EEF2: variants seen among roughly 807,000 people sequenced by gnomAD.
The protein encoded by EEF2 is elongation factor 2.
A neutral mutation model predicts 85.3 loss-of-function variants in EEF2; 21 were observed. The observed-to-expected ratio is 0.25, with a 90% CI of 0.17 to 0.35. The LOEUF is 0.35. Among genes scored for constraint, EEF2 ranks in the 10% least tolerant of loss-of-function variants. The pLI is 1.00. For missense variants in EEF2, 825 were observed against 1,225.3 expected (o/e 0.67, Z 4.88); for synonymous variants, 723 against 508.8 (o/e 1.42, Z -5.67).
intron 11 of EEF2, 149 bp from the exon 12 acceptor site, chr19:3,978,321 G>A (rs2039701982): frequency 4.6e-6 from 3 of 650,520 alleles, no homozygotes; most frequent in East Asian, 6.1e-5. Context: ...CAGTGTTGCA[G>A]TGCCAAGCGC....
At position 3,981,218 on chromosome 19, in the gene EEF2, G is replaced by GA. The variant is rs1376746079; in HGVS notation, c.1011+120dup. On this transcript the variant is annotated intron_variant, in intron 7 of 14. Coordinates refer to ENST00000309311, the MANE Select transcript of EEF2 (RefSeq NM_001961.4). ...TCCAGCAGCACCCAGAGTCTAAAGC[G>GA]AAAGGGGCAGCAGCTGTCCCTGCCC... The GA allele has an allele frequency of 4.4e-6, 5 of 1,129,064 alleles. No homozygotes were observed. In the African/African-American group the frequency reaches 7.7e-5, roughly 17 times the overall value. The allele number at this position is 1,129,064 out of a possible 1,614,324, so 69.9% of individuals were successfully genotyped here.
At chr19:3,981,041 C>T in intron 7 of EEF2, 62 bp from the exon 8 acceptor site, 1 of 1,521,692 alleles carries the variant, frequency 6.6e-7, no homozygotes, top group Non-Finnish European at 8.8e-7. Flanking sequence ...CCACCCCGTA[C>T]ACGCTTCCTC....
intron 1 of EEF2, 168 bp downstream of exon 1, chr19:3,985,210 C>G (rs971647224): frequency 2.9e-6 from 2 of 686,888 alleles, no homozygotes; most frequent in Non-Finnish European, 4.3e-6. Context: ...GTGAACAGCG[C>G]GGCGCACAGA....
Position 3,982,237 on chromosome 19 carries a change from G to T in EEF2, c.791+9C>A. On this transcript the variant is annotated intron_variant, in intron 5 of 14. Transcript: ENST00000309311. Reference sequence around the variant, plus strand: ...TCAGGAATCCCCCACCATATCCCGCGGGGCTCACCTGTCACCCCACAGCTT... The same window carrying T: ...TCAGGAATCCCCCACCATATCCCGCTGGGCTCACCTGTCACCCCACAGCTT... 6.2e-7 allele frequency: 1 copy of T among 1,613,618 alleles called. No homozygotes were observed. Among genetic ancestry groups the T allele is most frequent in the Non-Finnish European group, 8.5e-7 (1 of 1,179,670 alleles).
At chr19:3,982,547 T>C (rs1233938198) in intron 4 of EEF2, 123 bp from the exon 5 acceptor site, 4 of 1,319,054 alleles carry the variant, frequency 3.0e-6, no homozygotes, top group South Asian at 2.4e-5. Context: ...CTGGTCAAAG[T>C]GAAGAAATGA....
intron 14 of EEF2, 78 bp from the exon 15 acceptor site, chr19:3,976,825 G>GCTAGTTCCTCAGCCTGAGTCACC: frequency 1.4e-6 from 2 of 1,413,646 alleles, no homozygotes; most frequent in Non-Finnish European, 1.9e-6. Context: ...AGGAGCTCAG[G>GCTAGTTCCTCAGCCTGAGTCACC]CTAGTTCCTC....
intron 2 of EEF2, chr19:3,983,734 G>A (rs1376801050): frequency 1.3e-5 from 4 of 309,372 alleles, no homozygotes; most frequent in Non-Finnish European, 2.5e-5. Context: ...ACCGTACTCT[G>A]CGCTCCCCCT....
In EEF2 at chr19:3,978,134, A is replaced by G. The variant is rs1318858412; in HGVS notation, c.1752T>C (p.Ser584=). ...AGAGGCAGAGCACGTTCGACTCTTC[A>G]CTGACCGTCTCGCGGTACGAGACGA... ...DPVVSYRETV[S]EESNVLCLSK... is the part of the protein sequence containing the mutation. The change falls in exon 12 of 15, where the codon AGT becomes AGC. Residue 584 remains serine (S), a synonymous_variant. Coordinates refer to ENST00000309311, the MANE Select transcript of EEF2 (RefSeq NM_001961.4). The G allele has an allele frequency of 6.8e-7, 1 of 1,479,268 alleles. No homozygotes were observed. Among genetic ancestry groups the G allele is most frequent in the Non-Finnish European group, 9.0e-7 (1 of 1,107,402 alleles). 91.6% of individuals were successfully genotyped at this position (1,479,268 alleles called of 1,614,324 possible).
Position 3,977,658 on chromosome 19 carries a change from G to A in EEF2, c.2068-48C>T. On this transcript the variant is annotated intron_variant, in intron 12 of 14. Transcript: ENST00000309311. The surrounding 1 kb of genome is among the most constrained non-coding windows in gnomAD (Gnocchi z 5.4). The stretch of plus-strand genomic sequence containing the variant: ...GTCAAGGGCCGGACACACCTCGGCT[G>A]CTTGCCCTCCACCTGCCAAGTCCTG... 2.0e-6 allele frequency: 3 copies of A among 1,476,992 alleles called. No homozygotes were observed. The highest frequency in any genetic ancestry group is 2.7e-6 in the Non-Finnish European group (3 of 1,119,744). The allele number at this position is 1,476,992 out of a possible 1,614,324, so 91.5% of individuals were successfully genotyped here.
intron 11 of EEF2, among the ~76,000 whole-genome samples, chr19:3,978,457 C>T (rs372660666): frequency 2.6e-5 from 4 of 152,270 alleles, no homozygotes; most frequent in African/African-American, 9.6e-5. Context: ...CTGTCCCAAC[C>T]CCTCCAGAGC....
intron 11 of EEF2, 42 bp from the exon 12 acceptor site, chr19:3,978,214 G>T: frequency 2.1e-6 from 3 of 1,427,838 alleles, no homozygotes; most frequent in Non-Finnish European, 2.8e-6. Flanking sequence ...TGGAGAAAGA[G>T]GTGACCTTAC....
At chr19:3,985,106 C>T in intron 1 of EEF2, 2 of 389,858 alleles carry the variant, frequency 5.1e-6, no homozygotes, top group Non-Finnish European at 9.1e-6. Flanking sequence ...ACGCCTGCCA[C>T]ATCATCATTC....
Position 3,980,974 on chromosome 19 carries a change from C to G in EEF2, c.1017G>C (p.Val339=), listed in dbSNP as rs1477473041. 4 of 1,571,666 alleles carry G rather than the reference C, an allele frequency of 2.5e-6. No individual in the cohort carries two copies. The highest frequency in any genetic ancestry group is 3.4e-6 in the Non-Finnish European group (4 of 1,159,968). ...DKEGKPLLKA[V]MRRWLPAGDA... is the part of the protein sequence containing the mutation. ...CTCCGGCAGGCAGCCAGCGGCGCAT[C>G]ACAGCCTGCGGGGGCAGAGAGCGGT... Residue 339 remains valine (V), a synonymous_variant, in exon 8 of 15, where the codon GTG becomes GTC. Transcript: ENST00000309311.
At position 3,977,231 on chromosome 19, in the gene EEF2, G is replaced by T. The variant is rs760361343; in HGVS notation, c.2367C>A (p.Pro789=). 1.2e-6 allele frequency: 2 copies of T among 1,613,636 alleles called. No homozygotes were observed. Among genetic ancestry groups the T allele is most frequent in the Non-Finnish European group, 1.7e-6 (2 of 1,179,930 alleles). ...TPMFVVKAYL[P]VNESFGFTAD... is the part of the protein sequence containing the mutation. ...GGCACTCACCAAAGGACTCGTTGAC[G>T]GGCAGATAGGCCTTGACCACAAACA... The change falls in exon 14 of 15, where the codon CCC becomes CCA. Residue 789 remains proline (P), a synonymous_variant. Transcript: ENST00000309311. This position sits in a 1 kb window ranked among gnomAD's most constrained non-coding sequence, Gnocchi z 5.4.
rs760914805 is a variant in EEF2, at chr19:3,977,457, T to C, written c.2221A>G (p.Met741Val). The change falls in exon 13 of 15, where the codon ATG becomes GTG. Residue 741 changes from methionine (M) to valine (V), a missense_variant. By Grantham distance (21) the Met-to-Val change is conservative. Coordinates refer to ENST00000309311, the MANE Select transcript of EEF2 (RefSeq NM_001961.4). The surrounding 1 kb of genome is among the most constrained non-coding windows in gnomAD (Gnocchi z 5.4). ...ASVLTAQPRL[M>V]EPIYLVEIQC... ...ATCTCCACAAGGTAGATGGGCTCCA[T>C]GAGGCGTGGCTGGGCGGTCAGCACA... is the stretch of plus-strand genomic sequence containing the variant. 2.5e-6 allele frequency: 4 copies of C among 1,581,708 alleles called. No individual in the cohort carries two copies. Among genetic ancestry groups the C allele is most frequent in the African/African-American group, 1.3e-5 (1 of 74,514 alleles).
At chr19:3,978,827 A>AT (rs1568199559) in intron 11 of EEF2, among the ~76,000 whole-genome samples, 3 of 136,726 alleles carry the variant, frequency 2.2e-5, no homozygotes, top group South Asian at 2.3e-4. Context: ...AAAAAAAAAA[A>AT]AAAATAGCCC....
At chr19:3,978,796 CT>C (rs2039707705) in intron 11 of EEF2, among the ~76,000 whole-genome samples, 1 of 44,708 alleles carries the variant, frequency 2.2e-5, no homozygotes. Flanking sequence ...GAGCAAGACT[CT>C]TGTCTCAAAA....
intron 2 of EEF2, among the ~76,000 whole-genome samples, chr19:3,983,655 G>A (rs1454449188): frequency 6.6e-6 from 1 of 152,010 alleles, no homozygotes; most frequent in East Asian, 1.9e-4. Context: ...CCTGCTCCAG[G>A]GGAAATGAAG....
At position 3,979,439 on chromosome 19, in the gene EEF2, G is replaced by A; in HGVS notation, c.1606-3C>T. 2 of 1,612,704 alleles carry A rather than the reference G, an allele frequency of 1.2e-6. No individual in the cohort carries two copies. The highest frequency in any genetic ancestry group is 1.7e-6 in the Non-Finnish European group (2 of 1,179,578). ...TCTCCCGACTCCTCGATGATGCACT[G>A]AAAGGGATGCGGGTCAGCACCAAAG... On this transcript the variant is annotated splice_polypyrimidine_tract_variant and splice_region_variant and intron_variant, in intron 10 of 14. Coordinates refer to ENST00000309311, the MANE Select transcript of EEF2 (RefSeq NM_001961.4).
Sources: allele counts gnomAD v4.1 joint callset (sites outside exome capture counted in the v4.1 genomes callset), GRCh38; gene constraint gnomAD v4.1.1; non-coding constraint Gnocchi (gnomAD v3.1); transcripts MANE v1.5; gene names NCBI Gene and HGNC (gene_info 2026-07-23, HGNC 2026-07-21).